REV3L: variants seen among roughly 807,000 people sequenced by gnomAD.
REV3L encodes the protein REV3 like, DNA directed polymerase zeta catalytic subunit, also known as DNA polymerase zeta catalytic subunit.
REV3L carries 69 observed loss-of-function variants against 299.4 expected under a neutral mutation model. The ratio of observed to expected loss-of-function variants is 0.23; its 90% CI spans 0.19 to 0.28. The LOEUF is 0.28. Among genes scored for constraint, REV3L ranks in the 10% least tolerant of loss-of-function variants. The pLI is 1.00. For synonymous variants in REV3L, 1,238 were observed against 1,271.4 expected (o/e 0.97, Z 0.56); for missense variants, 3,128 against 3,693.8 (o/e 0.85, Z 3.97).
intron 9 of REV3L, among the ~76,000 whole-genome samples, chr6:111,386,331 T>C (rs1781338773): frequency 6.6e-6 from 1 of 152,226 alleles, no homozygotes; most frequent in Non-Finnish European, 1.5e-5. Context: ...TTCAAAGTTA[T>C]AATGTTGACA....
intron 1 of REV3L, among the ~76,000 whole-genome samples, chr6:111,471,775 A>ACTC (rs1365045147): frequency 6.6e-6 from 1 of 152,212 alleles, no homozygotes; most frequent in Non-Finnish European, 1.5e-5. Context: ...GACTATTCTT[A>ACTC]GAGACAAACA....
At chr6:111,391,168 C>T (rs372022667) in intron 5 of REV3L, among the ~76,000 whole-genome samples, 3 of 151,466 alleles carry the variant, frequency 2.0e-5, no homozygotes, top group Non-Finnish European at 2.9e-5. Context: ...CAGGTTCAAG[C>T]GATTCTCCTG....
At chr6:111,477,458 T>C (rs1289233194) in intron 1 of REV3L, among the ~76,000 whole-genome samples, 4 of 152,210 alleles carry the variant, frequency 2.6e-5, no homozygotes, top group Admixed American at 1.3e-4. Flanking sequence ...TAGGGAAGCC[T>C]TCCCTGAGGA....
chr6:111,410,231 GATGAATAAATGA>G (rs1307950749), intron 3 of REV3L, among the ~76,000 whole-genome samples: 3 of 152,122 alleles, frequency 2.0e-5, no homozygotes, highest in Non-Finnish European at 4.4e-5. Context: ...AACAAATAAT[GATGAATAAATGA>G]ATGAATCCAT....
rs1413338511 is a variant in REV3L at position 111,463,269 on chromosome 6, A to C, written c.139+19481T>G. On this transcript the variant is annotated intron_variant, in intron 1 of 31. Transcript: ENST00000368802. Reference sequence around the variant, plus strand: ...ATAAGCAATGGTGCTCGGTTATACAACTGATATTCTACCTTATCAAGCTTC... The same window carrying C: ...ATAAGCAATGGTGCTCGGTTATACACCTGATATTCTACCTTATCAAGCTTC... 2.6e-5 allele frequency among the ~76,000 whole-genome samples: 4 copies of C among 152,222 alleles called. No homozygotes were observed. In the East Asian group the frequency reaches 7.7e-4, roughly 29 times the overall value.
At chr6:111,407,547 G>A (rs534162321) in intron 3 of REV3L, among the ~76,000 whole-genome samples, 2 of 152,262 alleles carry the variant, frequency 1.3e-5, no homozygotes, top group South Asian at 4.1e-4. Flanking sequence ...AAAAAGTAAG[G>A]ACCTAAAATT....
chr6:111,398,199 G>A (rs1782729105), intron 4 of REV3L, among the ~76,000 whole-genome samples: 2 of 151,856 alleles, frequency 1.3e-5, no homozygotes, highest in African/African-American at 2.4e-5. Flanking sequence ...CACTCTACAT[G>A]TTCAGAGAAA....
chr6:111,430,372 A>G, intron 1 of REV3L: 1 of 1,279,358 alleles, frequency 7.8e-7, no homozygotes, highest in Non-Finnish European at 1.1e-6. Flanking sequence ...TAAATGAAAG[A>G]AAAGATCAAG....
At chr6:111,307,155 C>T (rs1234004551) in intron 31 of REV3L, among the ~76,000 whole-genome samples, 1 of 151,778 alleles carries the variant, frequency 6.6e-6, no homozygotes, top group African/African-American at 2.4e-5. Flanking sequence ...ACACACTATT[C>T]CATAAAAAAA....
chr6:111,402,664 C>T (rs1463012580), intron 4 of REV3L, among the ~76,000 whole-genome samples: 1 of 152,086 alleles, frequency 6.6e-6, no homozygotes, highest in Non-Finnish European at 1.5e-5. Context: ...CTTTTCAGAG[C>T]ATAGTTTGGG....
At chr6:111,418,234 T>G (rs765644449) in intron 1 of REV3L, among the ~76,000 whole-genome samples, 1 of 152,200 alleles carries the variant, frequency 6.6e-6, no homozygotes, top group Admixed American at 6.5e-5. Flanking sequence ...GAATTACTAG[T>G]GCAATGCCAT....
At chr6:111,319,553 A>G (rs1207088470) in intron 26 of REV3L, among the ~76,000 whole-genome samples, 3 of 152,176 alleles carry the variant, frequency 2.0e-5, no homozygotes, top group Non-Finnish European at 4.4e-5. Flanking sequence ...GTTAATGGGT[A>G]CAAAAATGTA....
At chr6:111,463,440 G>C (rs150039055) in intron 1 of REV3L, among the ~76,000 whole-genome samples, 4 of 152,316 alleles carry the variant, frequency 2.6e-5, no homozygotes, top group East Asian at 3.9e-4. Flanking sequence ...CAAGATGCTA[G>C]TGATTATGAC....
chr6:111,422,665 T>C (rs571185946), intron 1 of REV3L, among the ~76,000 whole-genome samples: 1,993 of 37,334 alleles, frequency 0.053, 451 homozygotes, highest in Middle Eastern at 0.079. Flanking sequence ...TATATATACA[T>C]ATATATATAT....
intron 16 of REV3L, among the ~76,000 whole-genome samples, chr6:111,362,935 T>G (rs940773704): frequency 3.3e-5 from 5 of 152,342 alleles, no homozygotes; most frequent in African/African-American, 1.2e-4. Context: ...TGCTAGCGGC[T>G]ACCATACGAC....
At chr6:111,480,047 T>C (rs932950268) in intron 1 of REV3L, among the ~76,000 whole-genome samples, 3 of 152,250 alleles carry the variant, frequency 2.0e-5, no homozygotes, top group African/African-American at 7.2e-5. Flanking sequence ...TGTAATATAA[T>C]TTTGAAACGG....
chr6:111,370,515 T>C (rs1779694878), intron 13 of REV3L, among the ~76,000 whole-genome samples: 2 of 152,300 alleles, frequency 1.3e-5, no homozygotes, highest in Admixed American at 6.5e-5. Context: ...ATAAATTTTA[T>C]TGTGTATATT....
At chr6:111,444,073 T>C (rs1788575766) in intron 1 of REV3L, among the ~76,000 whole-genome samples, 1 of 152,164 alleles carries the variant, frequency 6.6e-6, no homozygotes, top group Admixed American at 6.5e-5. Flanking sequence ...AAAGTGTGTA[T>C]AGCAATGGTA....
At chr6:111,472,067 T>C (rs1178163821) in intron 1 of REV3L, 17 of 1,238,916 alleles carry the variant, frequency 1.4e-5, no homozygotes, top group South Asian at 1.2e-4. Context: ...TATTATTCCA[T>C]AGTTTTAAAA....
Sources: allele counts gnomAD v4.1 joint callset (sites outside exome capture counted in the v4.1 genomes callset), GRCh38; gene constraint gnomAD v4.1.1; transcripts MANE v1.5; gene names NCBI Gene and HGNC (gene_info 2026-07-23, HGNC 2026-07-21).